MARCHF4: variants seen among roughly 807,000 people sequenced by gnomAD.
The protein encoded by MARCHF4 is E3 ubiquitin-protein ligase MARCHF4.
In MARCHF4, 14 loss-of-function variants were observed where a neutral mutation model predicts 43.9. The observed-to-expected ratio is 0.32, with a 90% CI of 0.21 to 0.50. The LOEUF is 0.50. MARCHF4 is among the 20% of genes least tolerant of loss of function. MARCHF4 has a pLI of 0.98. For synonymous variants in MARCHF4, 226 were observed against 213.3 expected (o/e 1.06, Z -0.52); for missense variants, 468 against 536.7 (o/e 0.87, Z 1.27).
chr2:216,268,455 C>T (rs1438165), intron 3 of MARCHF4, among the ~76,000 whole-genome samples: 20,795 of 152,128 alleles, frequency 0.14, 1,470 homozygotes, highest in South Asian at 0.24. Flanking sequence ...CCATGCTGTT[C>T]TTGTGATAGT....
At chr2:216,349,693 G>C (rs575554894) in intron 1 of MARCHF4, among the ~76,000 whole-genome samples, 18 of 152,304 alleles carry the variant, frequency 1.2e-4, no homozygotes, top group Admixed American at 9.8e-4. Flanking sequence ...ATGAAAGGCA[G>C]AGAGCTATGG....
In MARCHF4 at chr2:216,370,206, A is replaced by C; in HGVS notation, c.55T>G (p.Trp19Gly). The change falls in exon 1 of 4, where the codon TGG (tryptophan) becomes GGG (glycine). Residue 19 changes from tryptophan to glycine, a missense_variant. Transcript: ENST00000273067. ...LWWWWCCCSG[W>G]YCYGLCAPAP... ...GGGGCACACAATCCATAGCAGTACC[A>C]GCCGGAGCAGCAGCACCACCACCAC... 1 of 1,611,806 alleles carries C rather than the reference A, an allele frequency of 6.2e-7. No homozygotes were observed. Among genetic ancestry groups the C allele is most frequent in the Non-Finnish European group, 8.5e-7 (1 of 1,178,684 alleles).
chr2:216,312,014 G>A (rs568599145), intron 1 of MARCHF4, among the ~76,000 whole-genome samples: 24 of 152,114 alleles, frequency 1.6e-4, no homozygotes, highest in Non-Finnish European at 2.8e-4. Context: ...GAATACATAC[G>A]CATGTTTGTT....
rs1692725392 is a variant in MARCHF4 at position 216,369,826 on chromosome 2, C to T, written c.435G>A (p.Glu145=). The change falls in exon 1 of 4, where the codon GAG becomes GAA. Residue 145 remains glutamate, a synonymous_variant. Coordinates refer to ENST00000273067, the MANE Select transcript of MARCHF4 (RefSeq NM_020814.3). ...AGCTGCTGCCCAGTGAGTAGCGATCCTCGGTCTTCTCCTTACAGAAGTCAT... is the reference window on the plus strand; with the variant it reads ...AGCTGCTGCCCAGTGAGTAGCGATCTTCGGTCTTCTCCTTACAGAAGTCAT... ...SSDDFCKEKT[E]DRYSLGSSLD... is the part of the protein sequence containing the mutation. 6.2e-7 allele frequency: 1 copy of T among 1,613,956 alleles called. No individual in the cohort carries two copies. The highest frequency in any genetic ancestry group is 1.3e-5 in the African/African-American group (1 of 75,064).
chr2:216,306,442 T>A (rs1327265798), intron 1 of MARCHF4, among the ~76,000 whole-genome samples: 1 of 152,208 alleles, frequency 6.6e-6, no homozygotes, highest in Non-Finnish European at 1.5e-5. Context: ...GTCTTTATAA[T>A]CTTTCCAAAT....
In MARCHF4 at chr2:216,372,215, G is replaced by A. The variant is rs1692781411; in HGVS notation, c.-1955C>T. Among the ~76,000 whole-genome samples, 1 of 152,230 alleles carries A rather than the reference G, an allele frequency of 6.6e-6. No individual in the cohort carries two copies. The highest frequency in any genetic ancestry group is 1.5e-5 in the Non-Finnish European group (1 of 68,036). ...GCTCGATTCCCAAAGGGGTGGTGCT[G>A]GAAGGGAGGTGGCGGGGCGGCGAGC... On this transcript the variant is annotated 5_prime_UTR_variant, in exon 1 of 4. Coordinates refer to ENST00000273067, the MANE Select transcript of MARCHF4 (RefSeq NM_020814.3).
At chr2:216,321,423 G>A (rs1395498786) in intron 1 of MARCHF4, 1 of 152,206 alleles carries the variant, frequency 6.6e-6, no homozygotes, top group Non-Finnish European at 1.5e-5. Context: ...AGACAGAAAT[G>A]TGGTGCTGTA....
At chr2:216,264,505 C>G (rs1444328586) in intron 3 of MARCHF4, among the ~76,000 whole-genome samples, 1 of 152,236 alleles carries the variant, frequency 6.6e-6, no homozygotes, top group African/African-American at 2.4e-5. Context: ...ATTTATCCCA[C>G]AAACCTTGTT....
chr2:216,369,919 A>T lies in MARCHF4; in HGVS notation c.342T>A (p.Ser114=). 1 of 1,611,968 alleles carries T rather than the reference A, an allele frequency of 6.2e-7. No individual in the cohort carries two copies. Among genetic ancestry groups the T allele is most frequent in the Non-Finnish European group, 8.5e-7 (1 of 1,179,012 alleles). Residue 114 remains serine (S), a synonymous_variant, in exon 1 of 4, where the codon TCT becomes TCA. Transcript: ENST00000273067. ...CTGGGCCACCCCAGTCATCTTCCAC[A>T]GAAGAAGGTGGCAAGGGGGGTGGAG... The part of the protein sequence containing the change: ...VPPPPPLPPS[S]VEDDWGGPAT...
chr2:216,325,358 A>C (rs1691971404), intron 1 of MARCHF4, among the ~76,000 whole-genome samples: 1 of 152,250 alleles, frequency 6.6e-6, no homozygotes. Context: ...CATGGGTAGG[A>C]AGAATCAATA....
At chr2:216,264,790 T>C (rs1279877036) in intron 3 of MARCHF4, among the ~76,000 whole-genome samples, 2 of 152,200 alleles carry the variant, frequency 1.3e-5, no homozygotes, top group African/African-American at 4.8e-5. Context: ...TGCCTTCCAA[T>C]TATCTAACTG....
rs1329179537 is a variant in MARCHF4 at position 216,372,368 on chromosome 2, C to T, written c.-2108G>A. Among the ~76,000 whole-genome samples the T allele has an allele frequency of 6.6e-6, 1 of 152,170 alleles. No individual in the cohort carries two copies. The highest frequency in any genetic ancestry group is 1.5e-5 in the Non-Finnish European group (1 of 68,040). On this transcript the variant is annotated 5_prime_UTR_variant, in exon 1 of 4. Coordinates refer to ENST00000273067, the MANE Select transcript of MARCHF4 (RefSeq NM_020814.3). ...GCGAGTGGACAGCTCCCACCCAGAC[C>T]CCGCGCGTCACGCTCGTGGGGGCCT...
intron 1 of MARCHF4, among the ~76,000 whole-genome samples, chr2:216,320,458 A>G (rs1326748805): frequency 1.3e-5 from 2 of 152,184 alleles, no homozygotes; most frequent in Non-Finnish European, 2.9e-5. Context: ...GCTTTGAGGC[A>G]TGAAATCATT....
At chr2:216,307,289 A>G (rs953269988) in intron 1 of MARCHF4, among the ~76,000 whole-genome samples, 1 of 152,264 alleles carries the variant, frequency 6.6e-6, no homozygotes, top group African/African-American at 2.4e-5. Flanking sequence ...TTATCTAGAA[A>G]GGAAGAGCAT....
intron 2 of MARCHF4, among the ~76,000 whole-genome samples, chr2:216,282,240 C>T (rs1691140818): frequency 6.6e-6 from 1 of 152,124 alleles, no homozygotes; most frequent in Non-Finnish European, 1.5e-5. Context: ...GCTTTTAGTG[C>T]CACCTTCCAG....
At chr2:216,302,755 A>G (rs1205566926) in intron 1 of MARCHF4, among the ~76,000 whole-genome samples, 1 of 151,542 alleles carries the variant, frequency 6.6e-6, no homozygotes, top group Admixed American at 6.6e-5. Flanking sequence ...AAAATTAACC[A>G]GGTGTGGTGG....
chr2:216,340,073 T>A (rs1024937998), intron 1 of MARCHF4, among the ~76,000 whole-genome samples: 11 of 151,738 alleles, frequency 7.2e-5, no homozygotes, highest in Non-Finnish European at 1.3e-4. Context: ...TTCCCAAACC[T>A]CCCCTGCAGC....
intron 1 of MARCHF4, among the ~76,000 whole-genome samples, chr2:216,301,893 G>C (rs1169815618): frequency 6.6e-6 from 1 of 152,142 alleles, no homozygotes; most frequent in African/African-American, 2.4e-5. Context: ...AAAGAGCTTA[G>C]AATAGTGCAG....
chr2:216,327,003 T>C (rs948293663), intron 1 of MARCHF4, among the ~76,000 whole-genome samples: 2 of 152,108 alleles, frequency 1.3e-5, no homozygotes, highest in Admixed American at 6.6e-5. Context: ...AAAATAATAG[T>C]ATCTACCGTA....
Sources: gnomAD v4.1 joint callset for allele counts (sites outside exome capture counted in the v4.1 genomes callset) on GRCh38, gnomAD v4.1.1 for gene constraint, MANE v1.5 for transcripts, NCBI Gene and HGNC (gene_info 2026-07-23, HGNC 2026-07-21) for gene names.